The following CHODL variants were observed in gnomAD, a reference collection of about 807,000 sequenced individuals.
CHODL encodes the protein transmembrane protein MT75.
Under a neutral mutation model 34.5 loss-of-function variants are expected in CHODL, and 29 were observed. That is an observed-to-expected ratio of 0.84 (90% confidence interval 0.63 to 1.15). CHODL has a LOEUF of 1.15. CHODL is among the 50% of genes most tolerant of loss of function. The probability of loss-of-function intolerance (pLI) is 0.00; values close to 1 mark genes in which losing one functional copy is unlikely to be tolerated. For missense variants in CHODL, 332 were observed against 332.5 expected (o/e 1.00, Z 0.01); for synonymous variants, 125 against 116.1 (o/e 1.08, Z -0.49).
chr21:17,933,443 T>C (rs566580087), intron 1 of CHODL, among the ~76,000 whole-genome samples: 3 of 152,200 alleles, frequency 2.0e-5, no homozygotes, highest in Non-Finnish European at 4.4e-5. Context: ...GTGATGACTC[T>C]TAAAGAGCAT....
At chr21:18,242,807 T>A (rs937879996), upstream of CHODL, among the ~76,000 whole-genome samples, 1 of 152,206 alleles carries the variant, frequency 6.6e-6, no homozygotes, top group African/African-American at 2.4e-5. Context: ...GTTATTATTA[T>A]AGTTTGGGCT....
At chr21:17,969,195 T>C (rs541015215) in intron 1 of CHODL, among the ~76,000 whole-genome samples, 4 of 152,270 alleles carry the variant, frequency 2.6e-5, no homozygotes, top group Non-Finnish European at 5.9e-5. Flanking sequence ...CATTGGTGAG[T>C]TTTTTAAGGG....
intron 2 of CHODL, among the ~76,000 whole-genome samples, chr21:18,041,555 G>A (rs923858900): frequency 1.2e-4 from 18 of 151,676 alleles, no homozygotes; most frequent in Admixed American, 4.6e-4. Context: ...TAGGATTCAC[G>A]TCATGCAGAT....
At chr21:18,217,554 C>T (rs564998586) in intron 2 of CHODL, among the ~76,000 whole-genome samples, 6 of 152,184 alleles carry the variant, frequency 3.9e-5, no homozygotes, top group Admixed American at 1.3e-4. Context: ...ATAGGAACTA[C>T]GATTCAAGAT....
rs765743588 is a variant in CHODL, at chr21:18,237,263, ACTAT to A, written c.-44-19238_-44-19235del. On this transcript the variant is annotated intron_variant, in intron 2 of 6. Transcript: ENST00000400127. ...GTGGAAGTAGAAAAGCAAAATTTAGACTATCTATCTAGGAATATACATCTGAATT... is the reference window on the plus strand; with the variant it reads ...GTGGAAGTAGAAAAGCAAAATTTAGACTATCTAGGAATATACATCTGAATT... 1.2e-4 allele frequency among the ~76,000 whole-genome samples: 18 copies of A among 152,206 alleles called. 1 individual carries two copies. The highest frequency in any genetic ancestry group is 3.1e-4 in the African/African-American group (13 of 41,518).
At chr21:18,189,727 C>T (rs562721891) in intron 2 of CHODL, among the ~76,000 whole-genome samples, 210 of 150,598 alleles carry the variant, frequency 1.4e-3, no homozygotes, top group African/African-American at 4.6e-3. Flanking sequence ...CTCCGCCTCC[C>T]TGGTTCAAGC....
chr21:18,202,623 C>T (rs112295852), intron 2 of CHODL, among the ~76,000 whole-genome samples: 4,720 of 152,310 alleles, frequency 0.031, 104 homozygotes, highest in Non-Finnish European at 0.048. Context: ...AAATAAATTT[C>T]TGTTGTTTAA....
chr21:18,096,572 C>T (rs1435548026), intron 2 of CHODL, among the ~76,000 whole-genome samples: 3 of 152,128 alleles, frequency 2.0e-5, no homozygotes, highest in African/African-American at 7.2e-5. Context: ...GCCCTGGTCT[C>T]CTGCAGTGCC....
intron 2 of CHODL, among the ~76,000 whole-genome samples, chr21:18,096,298 A>G (rs557157784): frequency 1.2e-3 from 190 of 152,336 alleles, no homozygotes; most frequent in Non-Finnish European, 2.3e-3. Flanking sequence ...TTTGAACAAT[A>G]TGAAATCTGG....
chr21:18,126,422 T>C (rs2065545198), intron 2 of CHODL, among the ~76,000 whole-genome samples: 1 of 152,236 alleles, frequency 6.6e-6, no homozygotes, highest in Admixed American at 6.5e-5. Context: ...TTGTGCAACT[T>C]GCTTTATTGC....
chr21:18,110,070 G>C (rs1446371221), intron 2 of CHODL, among the ~76,000 whole-genome samples: 1 of 152,170 alleles, frequency 6.6e-6, no homozygotes, highest in South Asian at 2.1e-4. Context: ...GATGGGCACC[G>C]GGGATGCTGT....
At chr21:18,031,142 A>G (rs896996215) in intron 2 of CHODL, among the ~76,000 whole-genome samples, 1 of 152,106 alleles carries the variant, frequency 6.6e-6, no homozygotes, top group Admixed American at 6.6e-5. Flanking sequence ...GGCAATATCT[A>G]GGAAGATGTG....
intron 2 of CHODL, among the ~76,000 whole-genome samples, chr21:18,133,635 T>C (rs2072684690): frequency 6.6e-6 from 1 of 152,160 alleles, no homozygotes; most frequent in Admixed American, 6.5e-5. Flanking sequence ...TAATATCTGC[T>C]TACAGGAGAA....
intron 2 of CHODL, among the ~76,000 whole-genome samples, chr21:18,140,285 A>C (rs1241417467): frequency 2.0e-5 from 3 of 152,176 alleles, no homozygotes; most frequent in Non-Finnish European, 4.4e-5. Flanking sequence ...AATGGGAGGC[A>C]AACTTGATAA....
intron 2 of CHODL, among the ~76,000 whole-genome samples, chr21:18,150,643 G>T (rs547922485): frequency 7.7e-4 from 117 of 152,256 alleles, no homozygotes; most frequent in African/African-American, 2.8e-3. Context: ...AACTCCACCT[G>T]CGTGACCTAA....
chr21:18,028,606 G>A (rs2064211127), intron 2 of CHODL, among the ~76,000 whole-genome samples: 1 of 146,728 alleles, frequency 6.8e-6, no homozygotes, highest in African/African-American at 2.5e-5. Flanking sequence ...GGCTGAGGCA[G>A]AAGAATCTGT....
chr21:18,247,244 C>T (rs908570088), intron 1 of CHODL, among the ~76,000 whole-genome samples: 2 of 152,032 alleles, frequency 1.3e-5, no homozygotes, highest in African/African-American at 4.8e-5. Flanking sequence ...TTTTTCGTGC[C>T]ACTTGGGACC....
chr21:18,084,326 G>GT (rs1159206103), intron 2 of CHODL, among the ~76,000 whole-genome samples: 1 of 151,932 alleles, frequency 6.6e-6, no homozygotes, highest in African/African-American at 2.4e-5. Flanking sequence ...TTTAGTTCTT[G>GT]TTTTTTGTAG....
intron 2 of CHODL, among the ~76,000 whole-genome samples, chr21:18,106,790 C>T (rs1197691586): frequency 6.6e-6 from 1 of 152,184 alleles, no homozygotes; most frequent in African/African-American, 2.4e-5. Flanking sequence ...CCACCACACC[C>T]AGCCTAGATC....
Sources: allele counts gnomAD v4.1 joint callset (sites outside exome capture counted in the v4.1 genomes callset), GRCh38; gene constraint gnomAD v4.1.1; transcripts MANE v1.5; gene names NCBI Gene and HGNC (gene_info 2026-07-23, HGNC 2026-07-21).